Variants in WARS2 observed in about 807,000 individuals in gnomAD.
WARS2 encodes the protein tryptophan--tRNA ligase, mitochondrial.
WARS2 carries 28 observed loss-of-function variants against 36.5 expected under a neutral mutation model. The observed-to-expected ratio is 0.77, with a 90% confidence interval of 0.57 to 1.05. The LOEUF is 1.05. Ranked by LOEUF, WARS2 falls within the 50% of genes least tolerant of loss-of-function variation. The pLI is 0.00. For missense variants in WARS2, 435 were observed against 456.8 expected, an observed-to-expected ratio of 0.95 and a Z score of 0.44; for synonymous variants, 174 against 178.4, an observed-to-expected ratio of 0.98 and a Z score of 0.20.
chr1:119,103,225 T>C (rs1653996237), intron 1 of WARS2, among the ~76,000 whole-genome samples: 2 of 152,198 alleles, frequency 1.3e-5, no homozygotes, highest in South Asian at 4.1e-4. Flanking sequence ...GTTTTTTGTT[T>C]GTTTCTTTTT....
At chr1:119,073,659 G>C (rs769961948) in intron 2 of WARS2, among the ~76,000 whole-genome samples, 1 of 152,180 alleles carries the variant, frequency 6.6e-6, no homozygotes, top group Non-Finnish European at 1.5e-5. Context: ...GACCCAATGA[G>C]CTCATTAGGT....
intron 1 of WARS2, among the ~76,000 whole-genome samples, chr1:119,131,653 A>G (rs1019518221): frequency 1.3e-4 from 19 of 151,782 alleles, no homozygotes; most frequent in Non-Finnish European, 2.2e-4. Flanking sequence ...AGTAGAGATG[A>G]GGTTTCACCG....
intron 2 of WARS2, among the ~76,000 whole-genome samples, chr1:119,056,247 G>A (rs1184525159): frequency 7.0e-6 from 1 of 143,172 alleles, no homozygotes; most frequent in Non-Finnish European, 1.5e-5. Context: ...ATGTAGCCCA[G>A]GCTGGTCTCA....
chr1:119,080,153 A>C (rs1652076436), intron 1 of WARS2, among the ~76,000 whole-genome samples: 1 of 152,188 alleles, frequency 6.6e-6, no homozygotes, highest in East Asian at 1.9e-4. Flanking sequence ...AAGCAGAAAA[A>C]CAAACTCTGA....
intron 2 of WARS2, among the ~76,000 whole-genome samples, chr1:119,075,777 G>T (rs929131195): frequency 1.3e-5 from 2 of 152,194 alleles, no homozygotes; most frequent in Admixed American, 6.5e-5. Context: ...CCATAGTGAA[G>T]ATATGAGTCA....
At chr1:119,126,537 C>A (rs1304158184) in intron 1 of WARS2, 1 of 525,356 alleles carries the variant, frequency 1.9e-6, no homozygotes, top group Non-Finnish European at 3.5e-6. Flanking sequence ...AAAGTCTGAA[C>A]TTCAGACAGA....
At chr1:119,037,619 A>G (rs900778467) in intron 4 of WARS2, among the ~76,000 whole-genome samples, 4 of 152,214 alleles carry the variant, frequency 2.6e-5, no homozygotes, top group African/African-American at 9.7e-5. Flanking sequence ...GGGTACTGTG[A>G]AAGATATAAT....
At chr1:119,044,440 T>A (rs933159212) in intron 3 of WARS2, among the ~76,000 whole-genome samples, 2 of 152,226 alleles carry the variant, frequency 1.3e-5, no homozygotes, top group South Asian at 4.1e-4. Context: ...AACCAAAATA[T>A]GGCAGATAAC....
At chr1:119,057,384 T>G (rs1649912704) in intron 2 of WARS2, among the ~76,000 whole-genome samples, 1 of 151,490 alleles carries the variant, frequency 6.6e-6, no homozygotes, top group East Asian at 2.0e-4. Context: ...GATCTCGTGA[T>G]CCTCCCTCCT....
chr1:119,093,538 C>T (rs1653197297), intron 1 of WARS2, among the ~76,000 whole-genome samples: 1 of 150,310 alleles, frequency 6.7e-6, no homozygotes, highest in African/African-American at 2.5e-5. Context: ...GGGAAAAGGG[C>T]CACATGACAA....
intron 1 of WARS2, among the ~76,000 whole-genome samples, chr1:119,130,470 C>T (rs2498500): frequency 0.061 from 9,296 of 152,094 alleles, 555 homozygotes; most frequent in East Asian, 0.21. Context: ...GTCAGTTAAG[C>T]GACAAGTTTG....
chr1:119,086,089 G>T, intron 1 of WARS2: 2 of 942,686 alleles, frequency 2.1e-6, no homozygotes, highest in Non-Finnish European at 3.1e-6. Flanking sequence ...CAAACTCCTA[G>T]CCTTAAGTGA....
At chr1:119,040,446 G>A (rs114265118) in intron 4 of WARS2, among the ~76,000 whole-genome samples, 2,025 of 152,228 alleles carry the variant, frequency 0.013, 30 homozygotes, top group African/African-American at 0.043. Flanking sequence ...AACCTACCAC[G>A]CTCATGTGTT....
At chr1:119,103,623 T>A (rs192819105) in intron 1 of WARS2, among the ~76,000 whole-genome samples, 1 of 151,980 alleles carries the variant, frequency 6.6e-6, no homozygotes, top group East Asian at 1.9e-4. Flanking sequence ...CTCTTCACCA[T>A]ACTAGATTTT....
chr1:119,127,952 C>G (rs1019262126), intron 1 of WARS2, among the ~76,000 whole-genome samples: 1 of 152,174 alleles, frequency 6.6e-6, no homozygotes, highest in Non-Finnish European at 1.5e-5. Flanking sequence ...GTCAAAAGAG[C>G]AAAACTCATT....
intron 2 of WARS2, among the ~76,000 whole-genome samples, chr1:119,049,975 T>C (rs979522779): frequency 3.3e-5 from 5 of 152,162 alleles, no homozygotes; most frequent in Admixed American, 6.5e-5. Flanking sequence ...CTTTACAACA[T>C]AGATCACATC....
chr1:119,050,838 G>C (rs1304457432), intron 2 of WARS2, among the ~76,000 whole-genome samples: 2 of 152,112 alleles, frequency 1.3e-5, no homozygotes, highest in Non-Finnish European at 2.9e-5. Flanking sequence ...CAAGATTTTG[G>C]TTGCCTGGGA....
chr1:119,101,275 T>C (rs1167342201), intron 1 of WARS2, among the ~76,000 whole-genome samples: 1 of 152,100 alleles, frequency 6.6e-6, no homozygotes, highest in Non-Finnish European at 1.5e-5. Context: ...ATTATATACA[T>C]GTAACAAAAC....
chr1:119,059,666 C>A (rs1650213273), intron 2 of WARS2, among the ~76,000 whole-genome samples: 1 of 152,028 alleles, frequency 6.6e-6, no homozygotes, highest in Non-Finnish European at 1.5e-5. Flanking sequence ...CTTTGCATGG[C>A]CTTATACATT....
Sources: allele counts gnomAD v4.1 joint callset (sites outside exome capture counted in the v4.1 genomes callset), GRCh38; gene constraint gnomAD v4.1.1; transcripts MANE v1.5; gene names NCBI Gene and HGNC (gene_info 2026-07-23, HGNC 2026-07-21).